Variants in GALNT13 observed in about 807,000 individuals in gnomAD.
GALNT13 encodes UDP-GalNAc:polypeptide N-acetylgalactosaminyltransferase 13.
Under a neutral mutation model 64.2 loss-of-function variants are expected in GALNT13, and 28 were observed. That is an observed-to-expected ratio of 0.44 (90% CI 0.32 to 0.60). The LOEUF is 0.60. Among genes scored for constraint, GALNT13 ranks in the 20% least tolerant of loss-of-function variants. The probability of loss-of-function intolerance (pLI) is 0.05; values close to 1 mark genes in which losing one functional copy is unlikely to be tolerated. For synonymous variants in GALNT13, 214 were observed against 224.6 expected, an observed-to-expected ratio of 0.95 and a Z score of 0.42; for missense variants, 577 against 669.8, an observed-to-expected ratio of 0.86 and a Z score of 1.53.
At chr2:153,070,031 A>G in the GALNT13 span, among the ~76,000 whole-genome samples, 7 of 152,140 alleles carry the variant, frequency 4.6e-5, no homozygotes, top group Non-Finnish European at 1.0e-4. Flanking sequence ...AAACTCACTT[A>G]CTCACTCAGA....
chr2:153,340,556 G>A, the GALNT13 span, among the ~76,000 whole-genome samples: 11 of 152,014 alleles, frequency 7.2e-5, no homozygotes, highest in South Asian at 2.3e-3. Flanking sequence ...TCAGGAGGCC[G>A]AGGCAGGAGA....
chr2:153,532,057 T>C, the GALNT13 span, among the ~76,000 whole-genome samples: 1 of 152,152 alleles, frequency 6.6e-6, no homozygotes, highest in South Asian at 2.1e-4. Flanking sequence ...ATGGCCTTCT[T>C]CTCCCAGCTC....
At chr2:154,177,903 C>G (rs1423704130) in intron 4 of GALNT13, among the ~76,000 whole-genome samples, 1 of 152,168 alleles carries the variant, frequency 6.6e-6, no homozygotes, top group Non-Finnish European at 1.5e-5. Context: ...CACCAACTTG[C>G]TTCAATGCTC....
At chr2:153,658,424 T>C in the GALNT13 span, among the ~76,000 whole-genome samples, 1 of 152,092 alleles carries the variant, frequency 6.6e-6, no homozygotes, top group African/African-American at 2.4e-5. Context: ...GTTAAGCATA[T>C]TTTTATGTGA....
intron 1 of GALNT13, among the ~76,000 whole-genome samples, chr2:153,891,046 A>G (rs1018450010): frequency 6.6e-6 from 1 of 152,044 alleles, no homozygotes; most frequent in Admixed American, 6.6e-5. Flanking sequence ...TACCTAAACT[A>G]TGGATGTATG....
At chr2:153,730,343 G>T in the GALNT13 span, among the ~76,000 whole-genome samples, 1 of 151,882 alleles carries the variant, frequency 6.6e-6, no homozygotes. Flanking sequence ...AATATAACTG[G>T]AGAAAGGACA....
the GALNT13 span, among the ~76,000 whole-genome samples, chr2:153,104,995 A>T: frequency 6.7e-6 from 1 of 148,214 alleles, no homozygotes; most frequent in Non-Finnish European, 1.5e-5. Flanking sequence ...TTAACTCGTC[A>T]TTTAGCATTA....
chr2:153,518,543 A>C, the GALNT13 span, among the ~76,000 whole-genome samples: 68,905 of 152,054 alleles, frequency 0.45, 18,035 homozygotes, highest in East Asian at 0.76. Context: ...ACTTTATGTG[A>C]CTAGGCAAGT....
chr2:154,174,460 G>T (rs1287539135), intron 4 of GALNT13, among the ~76,000 whole-genome samples: 3 of 152,098 alleles, frequency 2.0e-5, no homozygotes, highest in Non-Finnish European at 4.4e-5. Flanking sequence ...AGATAAATCT[G>T]AGGATTTTTT....
intron 3 of GALNT13, among the ~76,000 whole-genome samples, chr2:154,056,177 G>A (rs1335829029): frequency 6.6e-6 from 1 of 152,088 alleles, no homozygotes; most frequent in Non-Finnish European, 1.5e-5. Context: ...ATTTTTTTCT[G>A]GGTAAAAGAT....
At chr2:153,773,179 G>C in the GALNT13 span, among the ~76,000 whole-genome samples, 1 of 152,230 alleles carries the variant, frequency 6.6e-6, no homozygotes, top group African/African-American at 2.4e-5. Context: ...CAAGGTTGCA[G>C]ACTGGGCCCT....
At chr2:153,861,237 T>C in the GALNT13 span, among the ~76,000 whole-genome samples, 1 of 152,232 alleles carries the variant, frequency 6.6e-6, no homozygotes, top group African/African-American at 2.4e-5. Flanking sequence ...TCTCAAAATA[T>C]CTATTATTAT....
At chr2:154,090,225 A>T (rs770830074) in intron 3 of GALNT13, among the ~76,000 whole-genome samples, 3 of 152,078 alleles carry the variant, frequency 2.0e-5, no homozygotes, top group Non-Finnish European at 4.4e-5. Context: ...GTTTATTGGA[A>T]ATAAGGTGAA....
chr2:154,103,020 G>A (rs1449967930), intron 3 of GALNT13, among the ~76,000 whole-genome samples: 1 of 151,834 alleles, frequency 6.6e-6, no homozygotes, highest in Non-Finnish European at 1.5e-5. Flanking sequence ...TTTTCCAGGT[G>A]TTCTCTGTCT....
the GALNT13 span, among the ~76,000 whole-genome samples, chr2:153,746,935 T>C: frequency 1.3e-5 from 2 of 152,164 alleles, no homozygotes; most frequent in African/African-American, 2.4e-5. Flanking sequence ...TTGTGTTTGG[T>C]TGCCTATTGT....
chr2:153,769,661 C>T, the GALNT13 span, among the ~76,000 whole-genome samples: 972 of 152,206 alleles, frequency 6.4e-3, 7 homozygotes, highest in African/African-American at 0.021. Context: ...GAATTATTTT[C>T]TAAAATATAT....
chr2:153,645,350 A>G, the GALNT13 span, among the ~76,000 whole-genome samples: 4 of 152,148 alleles, frequency 2.6e-5, no homozygotes, highest in Non-Finnish European at 4.4e-5. Context: ...GTATTGTAGA[A>G]ATAATAGTTT....
the GALNT13 span, among the ~76,000 whole-genome samples, chr2:153,639,910 G>T: frequency 6.6e-6 from 1 of 152,108 alleles, no homozygotes; most frequent in African/African-American, 2.4e-5. Context: ...TCATGGTAAG[G>T]GATGACCTGG....
chr2:153,277,929 T>C, the GALNT13 span, among the ~76,000 whole-genome samples: 16 of 93,728 alleles, frequency 1.7e-4, no homozygotes, highest in East Asian at 2.2e-3. Context: ...TTTTCTTTCT[T>C]TTTTTTTTTT....
Sources: gnomAD v4.1 joint callset for allele counts (sites outside exome capture counted in the v4.1 genomes callset) on GRCh38, gnomAD v4.1.1 for gene constraint, MANE v1.5 for transcripts, NCBI Gene and HGNC (gene_info 2026-07-23, HGNC 2026-07-21) for gene names.